PTPRR: variants seen among roughly 807,000 people sequenced by gnomAD.
The protein encoded by PTPRR is protein tyrosine phosphatase receptor type R.
PTPRR carries 38 observed loss-of-function variants against 77.2 expected under a neutral mutation model. The ratio of observed to expected loss-of-function variants is 0.49; its 90% confidence interval spans 0.38 to 0.65. The LOEUF is 0.65. Ranked by LOEUF, PTPRR falls within the 30% of genes least tolerant of loss-of-function variation. The probability of loss-of-function intolerance (pLI) is 0.00; values close to 1 mark genes in which losing one functional copy is unlikely to be tolerated. For missense variants in PTPRR, 744 were observed against 799.2 expected, an observed-to-expected ratio of 0.93 and a Z score of 0.83; for synonymous variants, 299 against 283.1, an observed-to-expected ratio of 1.06 and a Z score of -0.57.
chr12:70,897,245 A>T (rs1469910885), intron 1 of PTPRR, among the ~76,000 whole-genome samples: 1 of 151,988 alleles, frequency 6.6e-6, no homozygotes, highest in East Asian at 1.9e-4. Flanking sequence ...AATTTTTGCA[A>T]CCTACTCATC....
chr12:70,659,802 A>G (rs1244413728), intron 12 of PTPRR, among the ~76,000 whole-genome samples: 1 of 152,120 alleles, frequency 6.6e-6, no homozygotes, highest in Non-Finnish European at 1.5e-5. Flanking sequence ...TATATTTATT[A>G]AATATATCAT....
chr12:70,759,921 C>T (rs1375722720), intron 4 of PTPRR, among the ~76,000 whole-genome samples: 3 of 151,886 alleles, frequency 2.0e-5, no homozygotes, highest in Non-Finnish European at 4.4e-5. Flanking sequence ...AGAAGAATCA[C>T]GAAATTAGGA....
At chr12:70,832,699 C>T (rs940877073) in intron 2 of PTPRR, among the ~76,000 whole-genome samples, 1 of 152,102 alleles carries the variant, frequency 6.6e-6, no homozygotes, top group Non-Finnish European at 1.5e-5. Flanking sequence ...AGAACATGGG[C>T]AGTGTGTTAG....
intron 1 of PTPRR, among the ~76,000 whole-genome samples, chr12:70,902,287 T>G (rs753271054): frequency 1.1e-4 from 16 of 151,766 alleles, no homozygotes; most frequent in Non-Finnish European, 2.2e-4. Context: ...GTAGAACTAC[T>G]GTTTGATTCA....
intron 2 of PTPRR, among the ~76,000 whole-genome samples, chr12:70,888,076 G>C (rs1282227386): frequency 6.6e-6 from 1 of 151,774 alleles, no homozygotes; most frequent in African/African-American, 2.4e-5. Context: ...ACTTTCTGCA[G>C]ATCACCATAA....
At chr12:70,755,982 A>G (rs1279077999) in intron 4 of PTPRR, among the ~76,000 whole-genome samples, 1 of 152,160 alleles carries the variant, frequency 6.6e-6, no homozygotes, top group African/African-American at 2.4e-5. Context: ...TGTTTGCTAT[A>G]AAAGCAAACT....
intron 2 of PTPRR, among the ~76,000 whole-genome samples, chr12:70,859,691 A>G (rs1892717660): frequency 6.6e-6 from 1 of 152,048 alleles, no homozygotes; most frequent in African/African-American, 2.4e-5. Flanking sequence ...CTGTTTTCCA[A>G]GAAATAGGCA....
At chr12:70,900,837 C>A (rs1893521690) in intron 1 of PTPRR, among the ~76,000 whole-genome samples, 1 of 151,446 alleles carries the variant, frequency 6.6e-6, no homozygotes. Flanking sequence ...CACCACATAC[C>A]TGTTAGAATG....
At chr12:70,813,372 G>C (rs570230903) in intron 2 of PTPRR, among the ~76,000 whole-genome samples, 1 of 151,840 alleles carries the variant, frequency 6.6e-6, no homozygotes, top group East Asian at 1.9e-4. Flanking sequence ...AAAATTCTGT[G>C]CATCTCAACG....
At chr12:70,732,181 GT>G (rs1592714408) in intron 6 of PTPRR, among the ~76,000 whole-genome samples, 1 of 152,154 alleles carries the variant, frequency 6.6e-6, no homozygotes, top group East Asian at 1.9e-4. Flanking sequence ...AGATCCTTTA[GT>G]ACTTCATCAT....
At chr12:70,702,631 C>T (rs1167520625) in intron 6 of PTPRR, among the ~76,000 whole-genome samples, 1 of 152,154 alleles carries the variant, frequency 6.6e-6, no homozygotes, top group East Asian at 1.9e-4. Context: ...CAGTTTTCTT[C>T]TCTGATGAAT....
chr12:70,771,703 T>A (rs1480091161), intron 2 of PTPRR, among the ~76,000 whole-genome samples: 1 of 152,224 alleles, frequency 6.6e-6, no homozygotes, highest in Non-Finnish European at 1.5e-5. Flanking sequence ...CAGAATGGAA[T>A]CTGTGGCCAA....
At chr12:70,771,113 C>T (rs1282839368) in intron 2 of PTPRR, among the ~76,000 whole-genome samples, 2 of 150,950 alleles carry the variant, frequency 1.3e-5, no homozygotes, top group Non-Finnish European at 2.9e-5. Context: ...ATGTAACTAA[C>T]CTGCACATTG....
chr12:70,656,853 G>A (rs1886602115), intron 12 of PTPRR, 36 bp from the exon 13 acceptor site: 2 of 1,374,194 alleles, frequency 1.5e-6, no homozygotes, highest in African/African-American at 2.9e-5. Flanking sequence ...AAAAGTGGGG[G>A]AAAATGACAA....
intron 10 of PTPRR, among the ~76,000 whole-genome samples, chr12:70,681,250 A>T (rs973075489): frequency 2.0e-5 from 3 of 152,156 alleles, no homozygotes; most frequent in Non-Finnish European, 1.5e-5. Context: ...CTGGAACAGG[A>T]TGTACTCTAG....
intron 10 of PTPRR, chr12:70,672,885 A>T: frequency 6.4e-7 from 1 of 1,556,992 alleles, no homozygotes. Context: ...GGCCCTGGTC[A>T]TAGGATGGGG....
chr12:70,888,779 T>C (rs139588390), intron 2 of PTPRR, among the ~76,000 whole-genome samples: 1 of 152,230 alleles, frequency 6.6e-6, no homozygotes, highest in Non-Finnish European at 1.5e-5. Flanking sequence ...AGAATAAGCC[T>C]AGACATCTGC....
At chr12:70,803,048 G>A (rs1031136875) in intron 2 of PTPRR, among the ~76,000 whole-genome samples, 6 of 152,090 alleles carry the variant, frequency 3.9e-5, no homozygotes, top group Non-Finnish European at 8.8e-5. Context: ...AAGGCTATCT[G>A]TTAATTTTAT....
At chr12:70,787,076 G>C (rs1891338338) in intron 2 of PTPRR, among the ~76,000 whole-genome samples, 1 of 152,134 alleles carries the variant, frequency 6.6e-6, no homozygotes. Context: ...TTCTAGAAAA[G>C]AAAGATTCTG....
Sources: allele counts gnomAD v4.1 joint callset (sites outside exome capture counted in the v4.1 genomes callset), GRCh38; gene constraint gnomAD v4.1.1; transcripts MANE v1.5; gene names NCBI Gene and HGNC (gene_info 2026-07-23, HGNC 2026-07-21).